PTPRT: variants seen among roughly 807,000 people sequenced by gnomAD.
PTPRT encodes protein tyrosine phosphatase receptor type T.
A neutral mutation model predicts 176.8 loss-of-function variants in PTPRT; 56 were observed. That is an observed-to-expected ratio of 0.32 (90% confidence interval 0.26 to 0.40). PTPRT has a LOEUF of 0.40. Ranked by LOEUF, PTPRT falls within the 10% of genes least tolerant of loss-of-function variation. The pLI is 1.00. For synonymous variants in PTPRT, 783 were observed against 739.0 expected (o/e 1.06, Z -0.96); for missense variants, 1,540 against 1,908.2 (o/e 0.81, Z 3.60).
intron 7 of PTPRT, among the ~76,000 whole-genome samples, chr20:42,581,190 C>T (rs192712943): frequency 1.6e-4 from 25 of 152,230 alleles, no homozygotes; most frequent in Non-Finnish European, 2.5e-4. Flanking sequence ...ATGATCCACG[C>T]GACTAAATCT....
chr20:42,138,888 C>T (rs1403037618), intron 18 of PTPRT, among the ~76,000 whole-genome samples: 1 of 152,196 alleles, frequency 6.6e-6, no homozygotes, highest in African/African-American at 2.4e-5. Flanking sequence ...CCCCTTTAAT[C>T]TTTTCTGTTC....
Position 42,873,466 on chromosome 20 carries a change from C to T in PTPRT, c.214+12341G>A, listed in dbSNP as rs141584867. Among the ~76,000 whole-genome samples the T allele has an allele frequency of 5.3e-3, 799 of 152,176 alleles. 7 individuals are homozygous for T. The highest frequency in any genetic ancestry group is 0.015 in the African/African-American group (636 of 41,488). On this transcript the variant is annotated intron_variant, in intron 2 of 30. Transcript: ENST00000373187. ...TCCCTGTTGGTGGGAATACAAGTGACGTCATAAAAATCTAATAATCTAGGA... is the reference window on the plus strand; with the variant it reads ...TCCCTGTTGGTGGGAATACAAGTGATGTCATAAAAATCTAATAATCTAGGA...
At chr20:42,726,057 T>TTCATTA (rs373735377) in intron 6 of PTPRT, among the ~76,000 whole-genome samples, 1 of 142,286 alleles carries the variant, frequency 7.0e-6, no homozygotes, top group Non-Finnish European at 1.5e-5. Flanking sequence ...TGTGGGCATC[T>TTCATTA]TTATTATTAT....
At chr20:42,046,750 G>A in the PTPRT span, among the ~76,000 whole-genome samples, 128 of 151,706 alleles carry the variant, frequency 8.4e-4, no homozygotes, top group South Asian at 2.7e-3. Context: ...TGCTGGTTAC[G>A]TGTACACATT....
At chr20:42,384,817 G>T (rs551132271) in intron 9 of PTPRT, among the ~76,000 whole-genome samples, 1 of 152,150 alleles carries the variant, frequency 6.6e-6, no homozygotes. Flanking sequence ...CTGTGGTTTT[G>T]ATTTGCACTT....
At chr20:42,260,992 C>A (rs375192878) in intron 13 of PTPRT, among the ~76,000 whole-genome samples, 2 of 152,184 alleles carry the variant, frequency 1.3e-5, no homozygotes, top group African/African-American at 2.4e-5. Context: ...AAAGCTCAAC[C>A]ACTGCCCACT....
chr20:42,208,995 C>A (rs1001341150), intron 15 of PTPRT, among the ~76,000 whole-genome samples: 1 of 152,188 alleles, frequency 6.6e-6, no homozygotes, highest in Non-Finnish European at 1.5e-5. Flanking sequence ...AAGAATCTCA[C>A]TCAAAACCGC....
chr20:42,477,612 T>C (rs1361417716), intron 7 of PTPRT, among the ~76,000 whole-genome samples: 1 of 152,138 alleles, frequency 6.6e-6, no homozygotes, highest in Non-Finnish European at 1.5e-5. Context: ...GCCTTGTGTG[T>C]GCAGTGGAGA....
chr20:42,968,539 C>T (rs997017482), intron 1 of PTPRT, among the ~76,000 whole-genome samples: 5 of 152,134 alleles, frequency 3.3e-5, no homozygotes, highest in South Asian at 2.1e-4. Context: ...ATAAGAGGAA[C>T]GGCTGCGAGT....
intron 6 of PTPRT, among the ~76,000 whole-genome samples, chr20:42,679,170 T>C (rs1365406448): frequency 6.6e-6 from 1 of 152,194 alleles, no homozygotes; most frequent in African/African-American, 2.4e-5. Context: ...GCCTCTTCCT[T>C]GCAATTATTA....
At chr20:42,260,037 CA>C (rs1241397926) in intron 13 of PTPRT, among the ~76,000 whole-genome samples, 2 of 152,190 alleles carry the variant, frequency 1.3e-5, no homozygotes, top group Non-Finnish European at 2.9e-5. Flanking sequence ...GGTAATTAGA[CA>C]ACACTACTGT....
At chr20:42,431,507 A>G (rs2059215680) in intron 9 of PTPRT, among the ~76,000 whole-genome samples, 1 of 152,256 alleles carries the variant, frequency 6.6e-6, no homozygotes, top group South Asian at 2.1e-4. Context: ...AAATTACAAT[A>G]GCAAATTTTA....
intron 7 of PTPRT, among the ~76,000 whole-genome samples, chr20:42,520,094 T>A (rs2072143602): frequency 6.6e-6 from 1 of 152,138 alleles, no homozygotes; most frequent in African/African-American, 2.4e-5. Context: ...GCCCAGAGTA[T>A]CTTATTCTAT....
chr20:42,928,903 G>A (rs1208072104), intron 1 of PTPRT, among the ~76,000 whole-genome samples: 1 of 152,190 alleles, frequency 6.6e-6, no homozygotes, highest in Non-Finnish European at 1.5e-5. Flanking sequence ...CCCATCTTTT[G>A]ATTCCTGTCA....
At chr20:42,274,619 G>A (rs186043003) in intron 13 of PTPRT, among the ~76,000 whole-genome samples, 2 of 145,738 alleles carry the variant, frequency 1.4e-5, no homozygotes. Context: ...AGCTCAGAAT[G>A]CTGAATGTCT....
At chr20:42,849,277 A>T (rs2078430449) in intron 2 of PTPRT, among the ~76,000 whole-genome samples, 1 of 152,194 alleles carries the variant, frequency 6.6e-6, no homozygotes. Context: ...AGGAAGTCCC[A>T]CTTTCTCTTA....
chr20:43,161,375 GAC>G (rs1348805992), intron 1 of PTPRT, among the ~76,000 whole-genome samples: 8 of 152,024 alleles, frequency 5.3e-5, no homozygotes, highest in Non-Finnish European at 1.2e-4. Flanking sequence ...ATGTTACCCT[GAC>G]ACATTCATTA....
At chr20:42,611,858 T>C (rs540997158) in intron 7 of PTPRT, among the ~76,000 whole-genome samples, 2 of 152,246 alleles carry the variant, frequency 1.3e-5, no homozygotes, top group South Asian at 2.1e-4. Flanking sequence ...CCTGGCTCCA[T>C]AGCTATTTCA....
In PTPRT at chr20:42,855,812, GCTC is replaced by G. The variant is rs947513511; in HGVS notation, c.214+29992_214+29994del. ...ATGGACAGAAAAGCTGAATGATATA[GCTC>G]CTAATTTGAAGAGAACAAATTGGAA... On this transcript the variant is annotated intron_variant, in intron 2 of 30. Coordinates refer to ENST00000373187, the MANE Select transcript of PTPRT (RefSeq NM_007050.6). 3.3e-5 allele frequency among the ~76,000 whole-genome samples: 5 copies of G among 152,208 alleles called. No homozygotes were observed. The East Asian group carries it at 7.7e-4, about 24-fold the overall frequency.
Sources: gnomAD v4.1 joint callset for allele counts (sites outside exome capture counted in the v4.1 genomes callset) on GRCh38, gnomAD v4.1.1 for gene constraint, MANE v1.5 for transcripts, NCBI Gene and HGNC (gene_info 2026-07-23, HGNC 2026-07-21) for gene names.